NUMA1: variants seen among roughly 807,000 people sequenced by gnomAD.
NUMA1 encodes the protein SP-H antigen.
Under a neutral mutation model 237.1 loss-of-function variants are expected in NUMA1, and 62 were observed. That is an observed-to-expected ratio of 0.26 (90% CI 0.21 to 0.32). The LOEUF is 0.32. NUMA1 is among the 10% of genes least tolerant of loss of function. The pLI, the probability that NUMA1 is intolerant of heterozygous loss-of-function variation, is 1.00. For synonymous variants in NUMA1, 1,028 were observed against 1,066.1 expected (o/e 0.96, Z 0.70); for missense variants, 2,533 against 2,666.5 (o/e 0.95, Z 1.10).
chr11:72,005,187 G>A (rs753999872), intron 23 of NUMA1, 46 bp downstream of exon 23: 1 of 1,524,518 alleles, frequency 6.6e-7, no homozygotes, highest in Admixed American at 2.3e-5. Flanking sequence ...GGGATTCCAA[G>A]GGAGGGCAGG....
At chr11:72,039,805 A>G (rs1941455260) in intron 2 of NUMA1, 1 of 152,114 alleles carries the variant, frequency 6.6e-6, no homozygotes, top group South Asian at 2.1e-4. Flanking sequence ...GATACTCCCC[A>G]TCTGAGAGAC....
intron 3 of NUMA1, among the ~76,000 whole-genome samples, 157 bp from the exon 4 acceptor site, chr11:72,029,447 A>G (rs1192640022): frequency 1.3e-5 from 2 of 152,212 alleles, no homozygotes; most frequent in Non-Finnish European, 2.9e-5. Context: ...GTGCCGTTGC[A>G]CTCACTCATC....
At position 72,014,221 on chromosome 11, in the gene NUMA1, C is replaced by T. The variant is rs1360989421; in HGVS notation, c.3282G>A (p.Leu1094=). The change falls in exon 15 of 27, where the codon CTG becomes CTA. Residue 1094 remains leucine (L), a synonymous_variant. Transcript: ENST00000393695. This position sits in a 1 kb window ranked among gnomAD's most constrained non-coding sequence, Gnocchi z 4.6. ...ATGCGTGCTCCTTTTCTTTCTTAGC[C>T]AGCTGTTCCTTCAGTTGCTTCACGG... ...RQTVKQLKEQ[L]AKKEKEHASG... is the part of the protein sequence containing the mutation. The T allele has an allele frequency of 1.2e-6, 2 of 1,613,958 alleles. No homozygotes were observed. Among genetic ancestry groups the T allele is most frequent in the African/African-American group, 1.3e-5 (1 of 74,946 alleles).
rs1463326825 is a variant in NUMA1, at chr11:72,029,275, C to T, written c.58G>A (p.Val20Met). 7.5e-6 allele frequency: 12 copies of T among 1,608,002 alleles called. No homozygotes were observed. Among genetic ancestry groups the T allele is most frequent in the East Asian group, 2.2e-5 (1 of 44,870 alleles). Residue 20 changes from valine (V) to methionine (M), a missense_variant, in exon 4 of 27, where the codon GTG becomes ATG. Coordinates refer to ENST00000393695, the MANE Select transcript of NUMA1 (RefSeq NM_006185.4). Reference sequence around the variant, plus strand: ...AGCACAGCCTCCACAGGGTCAGCCACGTGTAGACTGTTCACCTGTAAATCA... The same window carrying T: ...AGCACAGCCTCCACAGGGTCAGCCATGTGTAGACTGTTCACCTGTAAATCA... ...ALLSWVNSLH[V>M]ADPVEAVLQL...
intron 4 of NUMA1, chr11:72,024,790 A>C (rs1194152991): frequency 6.1e-6 from 1 of 164,644 alleles, no homozygotes; most frequent in South Asian, 1.5e-4. Context: ...AACTGAAAGA[A>C]CAGGAGGAAA....
intron 2 of NUMA1, chr11:72,066,737 A>G (rs1194840448): frequency 6.6e-6 from 1 of 152,082 alleles, no homozygotes; most frequent in Non-Finnish European, 1.5e-5. Context: ...CTTAATTACA[A>G]TCCTCCCTGG....
chr11:72,047,038 GGGT>G (rs1942040963), intron 2 of NUMA1, among the ~76,000 whole-genome samples: 1 of 152,058 alleles, frequency 6.6e-6, no homozygotes, highest in Non-Finnish European at 1.5e-5. Flanking sequence ...GGTTGAAGCG[GGGT>G]GGTGACTGGT....
intron 2 of NUMA1, among the ~76,000 whole-genome samples, chr11:72,045,823 T>A (rs1369936242): frequency 6.6e-6 from 1 of 151,976 alleles, no homozygotes; most frequent in Non-Finnish European, 1.5e-5. Flanking sequence ...CTCCAGAAAA[T>A]GTATAAGGTG....
chr11:72,080,270 C>A (rs1944040014), intron 1 of NUMA1, 188 bp downstream of exon 1: 1 of 4,484 alleles, frequency 2.2e-4, no homozygotes. Flanking sequence ...TAAGGCACCC[C>A]CCCCCCCCCC....
chr11:72,005,539 T>A, intron 22 of NUMA1, 170 bp from the exon 23 acceptor site: 2 of 601,784 alleles, frequency 3.3e-6, no homozygotes, highest in Non-Finnish European at 5.7e-6. Flanking sequence ...ACTATTTCTA[T>A]CCTAGGGGCT....
intron 2 of NUMA1, among the ~76,000 whole-genome samples, chr11:72,044,365 A>G (rs1941868325): frequency 6.6e-6 from 1 of 152,046 alleles, no homozygotes; most frequent in African/African-American, 2.4e-5. Flanking sequence ...ACTAATTCCT[A>G]CTTGGCATTT....
intron 1 of NUMA1, among the ~76,000 whole-genome samples, chr11:72,071,111 C>T (rs1252206624): frequency 1.3e-5 from 2 of 152,200 alleles, no homozygotes; most frequent in Non-Finnish European, 2.9e-5. Context: ...GGATGGGAAG[C>T]CCAAATCACA....
intron 2 of NUMA1, among the ~76,000 whole-genome samples, chr11:72,049,918 T>C (rs755782547): frequency 1.2e-4 from 18 of 152,050 alleles, no homozygotes; most frequent in Non-Finnish European, 2.6e-4. Context: ...TAGTAGAACT[T>C]GTCTCCTCAG....
intron 8 of NUMA1, 93 bp downstream of exon 8, chr11:72,021,111 C>A: frequency 9.7e-7 from 1 of 1,027,138 alleles, no homozygotes. Context: ...GTGTTGGGGA[C>A]AGAAACAAAC....
intron 2 of NUMA1, among the ~76,000 whole-genome samples, chr11:72,069,211 T>C (rs2511075): frequency 0.89 from 134,896 of 152,238 alleles, 60,055 homozygotes; most frequent in Non-Finnish European, 0.95. Context: ...TTACACATTA[T>C]ATAATGATAA....
rs887718293 is a variant in NUMA1, at chr11:72,015,386, G to A, written c.2117C>T (p.Ala706Val). ...EKDQLQEQLQ[A>V]LKESLKVTKG... The stretch of plus-strand genomic sequence containing the variant: ...GGTGACCTTCAAGGACTCTTTGAGG[G>A]CCTGGAGCTGCTCCTGGAGCTGGTC... Residue 706 changes from alanine (A) to valine (V), a missense_variant, in exon 15 of 27, where the codon GCC becomes GTC. Ala to Val is a moderately conservative substitution (Grantham distance 64). Around this residue, in one of 3 missense-constraint regions of NUMA1, gnomAD observed 1,414 missense variants for 1,508.1 expected, o/e 0.94. Coordinates refer to ENST00000393695, the MANE Select transcript of NUMA1 (RefSeq NM_006185.4). The surrounding 1 kb of genome is among the most constrained non-coding windows in gnomAD (Gnocchi z 4.0). The A allele has an allele frequency of 1.2e-6, 2 of 1,612,122 alleles. No homozygotes were observed. Among genetic ancestry groups the A allele is most frequent in the Middle Eastern group, 1.6e-4 (1 of 6,062 alleles).
intron 2 of NUMA1, among the ~76,000 whole-genome samples, chr11:72,050,172 A>G (rs1158746903): frequency 6.6e-6 from 1 of 152,222 alleles, no homozygotes; most frequent in Admixed American, 6.5e-5. Context: ...CTTTTCATAA[A>G]TAAAAGCCAC....
intron 2 of NUMA1, among the ~76,000 whole-genome samples, chr11:72,046,672 T>C (rs114789549): frequency 0.024 from 3,574 of 151,052 alleles, 145 homozygotes; most frequent in African/African-American, 0.082. Context: ...TTAAATTCAG[T>C]AGGGAGGGCT....
intron 21 of NUMA1, 79 bp from the exon 22 acceptor site, chr11:72,006,342 C>G: frequency 5.7e-6 from 7 of 1,228,774 alleles, no homozygotes; most frequent in Non-Finnish European, 8.1e-6. Context: ...CCGAAGCCCT[C>G]AGATCCCACG....
Sources: gnomAD v4.1 joint callset for allele counts (sites outside exome capture counted in the v4.1 genomes callset) on GRCh38, gnomAD v4.1.1 for gene constraint, gnomAD v4.1.1 regional missense constraint, Gnocchi (gnomAD v3.1) non-coding constraint, MANE v1.5 for transcripts, NCBI Gene and HGNC (gene_info 2026-07-23, HGNC 2026-07-21) for gene names.